PCNX1: variants seen among roughly 807,000 people sequenced by gnomAD.
PCNX1 encodes the protein pecanex 1, also known as pecanex-like protein 1.
Under a neutral mutation model 242.2 loss-of-function variants are expected in PCNX1, and 78 were observed. The ratio of observed to expected loss-of-function variants is 0.32; its 90% CI spans 0.27 to 0.39. The LOEUF is 0.39. PCNX1 is among the 10% of genes least tolerant of loss of function. The pLI, the probability that PCNX1 is intolerant of heterozygous loss-of-function variation, is 1.00. For missense variants in PCNX1, 2,581 were observed against 2,856.5 expected (o/e 0.90, Z 2.20); for synonymous variants, 1,024 against 1,032.9 (o/e 0.99, Z 0.17).
At chr14:70,908,650 C>A (rs1485705660) in intron 1 of PCNX1, among the ~76,000 whole-genome samples, 2 of 152,278 alleles carry the variant, frequency 1.3e-5, no homozygotes, top group Admixed American at 1.3e-4. Context: ...TGCTTCGCAG[C>A]GGTTCTTCTC....
intron 2 of PCNX1, among the ~76,000 whole-genome samples, chr14:70,949,044 GTATA>G (rs1173193434): frequency 6.9e-6 from 1 of 144,470 alleles, no homozygotes; most frequent in Non-Finnish European, 1.5e-5. Flanking sequence ...ATATACACAT[GTATA>G]TATAGATATA....
intron 2 of PCNX1, among the ~76,000 whole-genome samples, chr14:70,948,942 C>CAT (rs1421465955): frequency 4.7e-4 from 66 of 141,494 alleles, no homozygotes; most frequent in African/African-American, 4.3e-4. Flanking sequence ...CATATATGTA[C>CAT]ATATACACAT....
chr14:71,008,994 A>G (rs2059747795), intron 8 of PCNX1, among the ~76,000 whole-genome samples: 1 of 152,218 alleles, frequency 6.6e-6, no homozygotes, highest in Admixed American at 6.5e-5. Context: ...TTTGCAACCA[A>G]TATGATTTCT....
chr14:70,994,567 A>G (rs900287583), intron 7 of PCNX1, among the ~76,000 whole-genome samples: 1 of 151,482 alleles, frequency 6.6e-6, no homozygotes, highest in African/African-American at 2.4e-5. Flanking sequence ...GAAAAATGAT[A>G]AAGTAACTGA....
chr14:70,995,854 G>A lies in PCNX1; in HGVS notation c.2558G>A (p.Gly853Glu), dbSNP rs2059334024. ...AGTGCCTCCTTGCTGGTGAGAAATG[G>A]GAGTGTCCACTTAGAAGCATCACAT... is the stretch of plus-strand genomic sequence containing the variant. ...SASASLLVRN[G>E]SVHLEASHDN... The change falls in exon 8 of 36, where the codon GGG becomes GAG. Residue 853 changes from glycine to glutamate, a missense_variant. Transcript: ENST00000304743. 2.5e-6 allele frequency: 4 copies of A among 1,613,924 alleles called. No individual in the cohort carries two copies. The South Asian group carries it at 3.3e-5, about 13-fold the overall frequency.
intron 1 of PCNX1, among the ~76,000 whole-genome samples, chr14:70,941,131 C>T (rs150065008): frequency 1.6e-3 from 247 of 152,352 alleles, no homozygotes; most frequent in African/African-American, 5.7e-3. Flanking sequence ...CTTCTGTCAA[C>T]TCGTCAAACT....
At chr14:70,985,758 A>G (rs1232422486) in intron 6 of PCNX1, among the ~76,000 whole-genome samples, 5 of 152,184 alleles carry the variant, frequency 3.3e-5, no homozygotes, top group Non-Finnish European at 4.4e-5. Flanking sequence ...ATTTTTCACT[A>G]TCTGCATTTT....
intron 26 of PCNX1, among the ~76,000 whole-genome samples, chr14:71,071,555 C>G (rs1359231716): frequency 1.3e-5 from 2 of 152,078 alleles, no homozygotes; most frequent in African/African-American, 4.8e-5. Context: ...AGCGCCTCCC[C>G]CTTAACCCTA....
In PCNX1 at chr14:70,977,271, C is replaced by G. The variant is rs963548088; in HGVS notation, c.934C>G (p.Pro312Ala). Residue 312 changes from proline (P) to alanine (A), a missense_variant, in exon 6 of 36, where the codon CCA becomes GCA. Pro to Ala is a conservative substitution (Grantham distance 27, BLOSUM62 -1). Transcript: ENST00000304743. The stretch of plus-strand genomic sequence containing the variant: ...TTATCAGCAAAGACGTGGATTAGAT[C>G]CAGTTAGTGAGTTAGAATCTTCCAA... ...PLYQQRRGLD[P>A]VSELESSKPL... 6.2e-7 allele frequency: 1 copy of G among 1,614,018 alleles called. No individual in the cohort carries two copies. The highest frequency in any genetic ancestry group is 1.3e-5 in the African/African-American group (1 of 74,916).
rs1418795166 is a variant in PCNX1, at chr14:70,949,084, ATG to A, written c.362+1965_362+1966del. On this transcript the variant is annotated intron_variant, in intron 2 of 35. Coordinates refer to ENST00000304743, the MANE Select transcript of PCNX1 (RefSeq NM_014982.3). ...TGTATGTATAGACGTGTATATATACATGTGTATATATACATACATGTATATAC... is the reference window on the plus strand; with the variant it reads ...TGTATGTATAGACGTGTATATATACATGTATATATACATACATGTATATAC... 4.7e-5 allele frequency among the ~76,000 whole-genome samples: 7 copies of A among 148,374 alleles called. No individual in the cohort carries two copies. The South Asian group carries it at 1.5e-3, about 32-fold the overall frequency.
At chr14:71,003,924 G>A (rs1396487211) in intron 8 of PCNX1, among the ~76,000 whole-genome samples, 1 of 152,162 alleles carries the variant, frequency 6.6e-6, no homozygotes, top group African/African-American at 2.4e-5. Flanking sequence ...TAAGAAAAAA[G>A]ACTTGTTCTA....
At chr14:70,988,522 T>C (rs768219978) in intron 6 of PCNX1, 45 bp from the exon 7 acceptor site, 1 of 1,597,638 alleles carries the variant, frequency 6.3e-7, no homozygotes, top group Non-Finnish European at 8.6e-7. Flanking sequence ...GCTATTTACA[T>C]CTCTGACCTA....
intron 12 of PCNX1, among the ~76,000 whole-genome samples, chr14:71,019,733 T>TG (rs2060049071): frequency 6.6e-6 from 1 of 152,068 alleles, no homozygotes; most frequent in South Asian, 2.1e-4. Context: ...AATAAGAACT[T>TG]GCATTCTTTT....
At chr14:71,041,284 T>A (rs1430534018) in intron 19 of PCNX1, among the ~76,000 whole-genome samples, 1 of 152,190 alleles carries the variant, frequency 6.6e-6, no homozygotes, top group African/African-American at 2.4e-5. Flanking sequence ...CTAATTTATA[T>A]TCCCAGCAAC....
chr14:71,021,719 T>C (rs1044245595), intron 12 of PCNX1, among the ~76,000 whole-genome samples: 4 of 151,750 alleles, frequency 2.6e-5, no homozygotes, highest in Non-Finnish European at 5.9e-5. Flanking sequence ...GCTACATCAT[T>C]TAATACCTAT....
At chr14:71,097,950 T>A (rs1399530771) in intron 30 of PCNX1, among the ~76,000 whole-genome samples, 1 of 152,210 alleles carries the variant, frequency 6.6e-6, no homozygotes, top group Non-Finnish European at 1.5e-5. Flanking sequence ...CCATCTTGAG[T>A]TAATATTTGT....
At chr14:70,947,216 T>C in intron 2 of PCNX1, 93 bp downstream of exon 2, 1 of 990,064 alleles carries the variant, frequency 1.0e-6, no homozygotes, top group Non-Finnish European at 1.5e-6. Context: ...GTTTTCTTTA[T>C]ATGGTTTTAA....
intron 1 of PCNX1, among the ~76,000 whole-genome samples, chr14:70,934,159 G>T (rs771704046): frequency 1.3e-5 from 2 of 152,220 alleles, no homozygotes; most frequent in Non-Finnish European, 2.9e-5. Context: ...GACCATTTCT[G>T]TGATGCCAAG....
intron 1 of PCNX1, among the ~76,000 whole-genome samples, chr14:70,933,321 T>G (rs1304111641): frequency 6.6e-6 from 1 of 152,162 alleles, no homozygotes; most frequent in Non-Finnish European, 1.5e-5. Context: ...GGGTTATTGG[T>G]TAGAGAAGAA....
Sources: allele counts gnomAD v4.1 joint callset (sites outside exome capture counted in the v4.1 genomes callset), GRCh38; gene constraint gnomAD v4.1.1; transcripts MANE v1.5; gene names NCBI Gene and HGNC (gene_info 2026-07-23, HGNC 2026-07-21).